DAB1: variants seen among roughly 807,000 people sequenced by gnomAD.
DAB1 encodes DAB adaptor protein 1.
In DAB1, 15 loss-of-function variants were observed where a neutral mutation model predicts 64.6. The observed-to-expected ratio is 0.23, with a 90% CI of 0.16 to 0.36. The LOEUF is 0.36. Ranked by LOEUF, DAB1 falls within the 10% of genes least tolerant of loss-of-function variation. The pLI is 1.00. For missense variants in DAB1, 596 were observed against 706.7 expected (o/e 0.84, Z 1.78); for synonymous variants, 235 against 251.9 (o/e 0.93, Z 0.64).
intron 1 of DAB1, among the ~76,000 whole-genome samples, chr1:57,835,456 C>A (rs1244830642): frequency 6.6e-6 from 1 of 152,032 alleles, no homozygotes; most frequent in South Asian, 2.1e-4. Context: ...CTAACTATTC[C>A]CAAGCAGAAA....
rs567063921 is a variant in DAB1, at chr1:58,175,471, C to T, written n.310-24883G>A. The stretch of plus-strand genomic sequence containing the variant: ...AGAACTCACTGGAAGGAACCAATTC[C>T]GGGCACACTAACACTTGTTATTATT... On this transcript the variant is annotated intron_variant and non_coding_transcript_variant, in intron 4 of 20. Transcript: ENST00000485760. Among the ~76,000 whole-genome samples, 17 of 152,270 alleles carry T rather than the reference C, an allele frequency of 1.1e-4. No individual in the cohort carries two copies. The South Asian group carries it at 1.4e-3, about 13-fold the overall frequency.
At chr1:58,530,148 T>C (rs1156976886) in intron 1 of DAB1, among the ~76,000 whole-genome samples, 3 of 152,182 alleles carry the variant, frequency 2.0e-5, no homozygotes, top group Non-Finnish European at 4.4e-5. Context: ...CCCAAAGTGC[T>C]GAGATTACAG....
chr1:58,228,599 T>C, intron 4 of DAB1: 2 of 587,298 alleles, frequency 3.4e-6, no homozygotes, highest in Non-Finnish European at 5.8e-6. Context: ...TCTAGGGCTT[T>C]CTTGGGACCC....
intron 4 of DAB1, among the ~76,000 whole-genome samples, chr1:58,234,279 G>A (rs1659914009): frequency 6.6e-6 from 1 of 152,154 alleles, no homozygotes; most frequent in East Asian, 1.9e-4. Context: ...CCAAGGACTG[G>A]AGCTACAATA....
chr1:57,883,478 C>A (rs888992774), intron 1 of DAB1, among the ~76,000 whole-genome samples: 1 of 152,142 alleles, frequency 6.6e-6, no homozygotes, highest in Non-Finnish European at 1.5e-5. Flanking sequence ...AGAGCACAAC[C>A]CAGAGTGCCT....
At chr1:57,999,673 T>A (rs1211656419) in intron 5 of DAB1, among the ~76,000 whole-genome samples, 3 of 152,126 alleles carry the variant, frequency 2.0e-5, no homozygotes, top group Admixed American at 2.0e-4. Flanking sequence ...GCTACTAAGA[T>A]CTCACAATGC....
intron 9 of DAB1, among the ~76,000 whole-genome samples, chr1:57,058,820 A>G (rs532085177): frequency 1.3e-5 from 2 of 152,364 alleles, no homozygotes; most frequent in Non-Finnish European, 1.5e-5. Context: ...TTACTACCAC[A>G]GTCCTCAGCG....
chr1:57,371,579 C>T (rs1037376135), intron 1 of DAB1, among the ~76,000 whole-genome samples: 1 of 152,178 alleles, frequency 6.6e-6, no homozygotes, highest in African/African-American at 2.4e-5. Context: ...TACTGGGGCT[C>T]TATGACTTGC....
chr1:57,798,181 C>T (rs1194123930), intron 6 of DAB1, among the ~76,000 whole-genome samples: 4 of 152,136 alleles, frequency 2.6e-5, no homozygotes, highest in South Asian at 4.1e-4. Flanking sequence ...TACCACTGAT[C>T]GAGCTGCAGT....
chr1:58,119,345 A>G (rs1309721927), intron 5 of DAB1, among the ~76,000 whole-genome samples: 2 of 152,082 alleles, frequency 1.3e-5, no homozygotes, highest in Non-Finnish European at 2.9e-5. Flanking sequence ...TGCTACTTAT[A>G]GTGTTATGCA....
intron 6 of DAB1, among the ~76,000 whole-genome samples, chr1:57,723,276 C>A (rs900080646): frequency 2.0e-5 from 3 of 152,178 alleles, no homozygotes; most frequent in African/African-American, 7.2e-5. Flanking sequence ...TTAGAAATAT[C>A]ACTTGGCTCT....
chr1:57,055,925 T>C (rs1649712911), intron 9 of DAB1, among the ~76,000 whole-genome samples: 1 of 152,184 alleles, frequency 6.6e-6, no homozygotes, highest in African/African-American at 2.4e-5. Flanking sequence ...AGAAACTGAA[T>C]AATAGCCCAC....
chr1:58,515,042 T>C (rs1486758990), intron 2 of DAB1, among the ~76,000 whole-genome samples: 1 of 151,876 alleles, frequency 6.6e-6, no homozygotes, highest in Non-Finnish European at 1.5e-5. Context: ...ACAATCATCA[T>C]TGTCATCATC....
At chr1:57,723,058 A>C (rs1647170244) in intron 6 of DAB1, among the ~76,000 whole-genome samples, 1 of 152,048 alleles carries the variant, frequency 6.6e-6, no homozygotes, top group African/African-American at 2.4e-5. Flanking sequence ...TTACTCTACC[A>C]CTGATATTGC....
At chr1:57,295,883 A>G (rs1673156664) in intron 1 of DAB1, among the ~76,000 whole-genome samples, 1 of 152,174 alleles carries the variant, frequency 6.6e-6, no homozygotes, top group African/African-American at 2.4e-5. Context: ...AACTAAAAGC[A>G]GACTGAAGCA....
intron 5 of DAB1, among the ~76,000 whole-genome samples, chr1:58,096,042 G>A (rs966701176): frequency 2.6e-5 from 4 of 152,174 alleles, no homozygotes; most frequent in African/African-American, 9.7e-5. Context: ...GTGTATTTGC[G>A]ACCCTAACCC....
chr1:57,317,719 T>C (rs1033897873), intron 1 of DAB1, among the ~76,000 whole-genome samples: 12 of 152,172 alleles, frequency 7.9e-5, no homozygotes, highest in Non-Finnish European at 1.5e-4. Context: ...TCCAGATCTA[T>C]TGAGTCAAAA....
chr1:57,521,581 G>T (rs10493228), intron 7 of DAB1, among the ~76,000 whole-genome samples: 42,551 of 152,068 alleles, frequency 0.28, 6,509 homozygotes, highest in East Asian at 0.41. Flanking sequence ...AGGCTTTCAG[G>T]TAAACTTAAT....
chr1:57,555,030 T>TA (rs1222551953), intron 7 of DAB1, among the ~76,000 whole-genome samples: 1 of 77,866 alleles, frequency 1.3e-5, no homozygotes, highest in Non-Finnish European at 2.4e-5. Context: ...TCTCTATTTT[T>TA]TTTTTTTTTT....
Sources: gnomAD v4.1 joint callset for allele counts (sites outside exome capture counted in the v4.1 genomes callset) on GRCh38, gnomAD v4.1.1 for gene constraint, MANE v1.5 for transcripts, NCBI Gene and HGNC (gene_info 2026-07-23, HGNC 2026-07-21) for gene names.